The following CCDC178 variants were observed in gnomAD, a reference collection of about 807,000 sequenced individuals.
The protein encoded by CCDC178 is coiled-coil domain containing 178.
CCDC178 carries 126 observed loss-of-function variants against 117.4 expected under a neutral mutation model. The ratio of observed to expected loss-of-function variants is 1.07; its 90% confidence interval spans 0.93 to 1.24. CCDC178 has a LOEUF of 1.24. Among genes scored for constraint, CCDC178 ranks in the 50% most tolerant of loss-of-function variants. CCDC178 has a pLI of 0.00. For missense variants in CCDC178, 1,030 were observed against 986.9 expected (o/e 1.04, Z -0.59); for synonymous variants, 283 against 313.4 (o/e 0.90, Z 1.02).
chr18:33,173,129 A>G (rs1279905057), intron 20 of CCDC178, among the ~76,000 whole-genome samples: 1 of 152,144 alleles, frequency 6.6e-6, no homozygotes, highest in East Asian at 1.9e-4. Context: ...GGCTCACTGC[A>G]GCCTCTTCCT....
chr18:33,014,641 T>G (rs969941517), intron 21 of CCDC178, among the ~76,000 whole-genome samples: 2 of 151,772 alleles, frequency 1.3e-5, no homozygotes, highest in Non-Finnish European at 2.9e-5. Flanking sequence ...TTGTTTTATG[T>G]ATGTATAACA....
intron 9 of CCDC178, among the ~76,000 whole-genome samples, chr18:33,341,963 A>G (rs912621965): frequency 1.5e-4 from 23 of 152,212 alleles, no homozygotes; most frequent in African/African-American, 5.1e-4. Flanking sequence ...TAGAAAAATA[A>G]TGACTTCAAG....
At position 32,937,846 on chromosome 18, in the gene CCDC178, T is replaced by C. The variant is rs759279604; in HGVS notation, c.*165A>G. On this transcript the variant is annotated 3_prime_UTR_variant, in exon 23 of 23. Transcript: ENST00000383096. ...AAGTCACCTGTTTCATTGTTATGGA[T>C]TTGCTGTGAGTAAAAGAGTGGCAAA... The C allele has an allele frequency of 3.6e-5, 22 of 604,112 alleles. No individual in the cohort carries two copies. The highest frequency in any genetic ancestry group is 5.4e-5 in the Non-Finnish European group (18 of 334,584). The allele number at this position is 604,112 out of a possible 1,614,324, so 37.4% of individuals were successfully genotyped here.
intron 9 of CCDC178, among the ~76,000 whole-genome samples, chr18:33,340,843 G>T (rs1266038895): frequency 6.6e-6 from 1 of 152,158 alleles, no homozygotes; most frequent in African/African-American, 2.4e-5. Context: ...TTGCTGTAAG[G>T]GTGGGGCCCT....
chr18:33,352,340 G>T (rs2062989701), intron 7 of CCDC178, among the ~76,000 whole-genome samples: 1 of 151,992 alleles, frequency 6.6e-6, no homozygotes, highest in Non-Finnish European at 1.5e-5. Flanking sequence ...TTAGCTAAAG[G>T]TTTGTGAATT....
chr18:33,252,644 T>C (rs2059630487), intron 14 of CCDC178, among the ~76,000 whole-genome samples: 1 of 151,798 alleles, frequency 6.6e-6, no homozygotes, highest in African/African-American at 2.4e-5. Context: ...TCATTCTAGG[T>C]ATTCCAGGCT....
chr18:33,174,089 G>C (rs1487104913), intron 20 of CCDC178, among the ~76,000 whole-genome samples: 4 of 152,186 alleles, frequency 2.6e-5, no homozygotes, highest in African/African-American at 9.6e-5. Context: ...ATCTGCTTCT[G>C]AGGAGGCCTC....
At chr18:33,099,037 T>C (rs759794178) in intron 20 of CCDC178, among the ~76,000 whole-genome samples, 5 of 152,028 alleles carry the variant, frequency 3.3e-5, no homozygotes, top group Non-Finnish European at 7.4e-5. Context: ...AGTATATATC[T>C]GAGCAAATTT....
chr18:33,107,928 C>T (rs1337597190), intron 20 of CCDC178, among the ~76,000 whole-genome samples: 2 of 151,578 alleles, frequency 1.3e-5, no homozygotes, highest in Non-Finnish European at 3.0e-5. Flanking sequence ...CTTTTTGTAC[C>T]TCTGCATTTG....
chr18:33,312,027 C>T (rs2062350905), intron 11 of CCDC178, among the ~76,000 whole-genome samples: 2 of 152,200 alleles, frequency 1.3e-5, no homozygotes, highest in South Asian at 4.2e-4. Flanking sequence ...TTCTTGAGGG[C>T]CTGCCAAGCC....
chr18:33,320,090 T>G (rs1159777547), intron 11 of CCDC178, among the ~76,000 whole-genome samples: 1 of 152,120 alleles, frequency 6.6e-6, no homozygotes, highest in East Asian at 1.9e-4. Flanking sequence ...ATGGGACATA[T>G]CTCAAAATAA....
chr18:33,165,224 A>T (rs1367016113), intron 20 of CCDC178, among the ~76,000 whole-genome samples: 1 of 152,192 alleles, frequency 6.6e-6, no homozygotes, highest in Non-Finnish European at 1.5e-5. Context: ...TGCAGTGCAC[A>T]TGCCTGTAGT....
intron 6 of CCDC178, among the ~76,000 whole-genome samples, chr18:33,362,925 T>C (rs2063150486): frequency 6.9e-6 from 1 of 145,656 alleles, no homozygotes; most frequent in Non-Finnish European, 1.5e-5. Flanking sequence ...GAATTGCACC[T>C]CAACTTTTAA....
chr18:33,281,097 T>TATAATAATA (rs35235042), intron 12 of CCDC178, among the ~76,000 whole-genome samples: 4 of 145,646 alleles, frequency 2.7e-5, no homozygotes, highest in Non-Finnish European at 4.5e-5. Flanking sequence ...AAACTTAAAG[T>TATAATAATA]ATAATAATAA....
Position 33,323,558 on chromosome 18 carries a change from CCT to C in CCDC178, c.953_954del (p.Lys318SerfsTer5). Reference sequence around the variant, plus strand: ...TCAATCTCTTCTTTAATTTGCTGAGCCTTCAATCTGGCATTTTCACAGGCTTC... The same window carrying C: ...TCAATCTCTTCTTTAATTTGCTGAGCTCAATCTGGCATTTTCACAGGCTTC... Reference protein sequence around the residue: ...ALEACENARLKAQQIKEEIDK... With the variant: ...ALEACENARLXAQQIKEEIDK... On this transcript the variant is annotated frameshift_variant, in exon 11 of 23. Transcript: ENST00000383096. LOFTEE classifies it high-confidence loss of function. 6.3e-7 allele frequency: 1 copy of C among 1,575,382 alleles called. No individual in the cohort carries two copies. Among genetic ancestry groups the C allele is most frequent in the Non-Finnish European group, 8.6e-7 (1 of 1,159,758 alleles).
intron 9 of CCDC178, among the ~76,000 whole-genome samples, chr18:33,334,050 T>C (rs1471860002): frequency 6.6e-6 from 1 of 151,796 alleles, no homozygotes; most frequent in Non-Finnish European, 1.5e-5. Flanking sequence ...AATGATGAAA[T>C]AAGACTTACA....
At chr18:33,053,336 CTTA>C (rs1567958351) in intron 21 of CCDC178, among the ~76,000 whole-genome samples, 1 of 152,032 alleles carries the variant, frequency 6.6e-6, no homozygotes, top group Non-Finnish European at 1.5e-5. Flanking sequence ...TAAAGAAGAA[CTTA>C]TTATTTCATT....
intron 11 of CCDC178, among the ~76,000 whole-genome samples, chr18:33,304,888 C>T (rs2062227794): frequency 6.6e-6 from 1 of 152,142 alleles, no homozygotes; most frequent in Non-Finnish European, 1.5e-5. Context: ...AAGTTCATTT[C>T]CCATTTCCAG....
At chr18:33,404,579 C>A (rs1296949978) in intron 3 of CCDC178, among the ~76,000 whole-genome samples, 1 of 152,006 alleles carries the variant, frequency 6.6e-6, no homozygotes, top group East Asian at 1.9e-4. Context: ...ACTGAAATTA[C>A]AAAATGACCC....
Sources: gnomAD v4.1 joint callset for allele counts (sites outside exome capture counted in the v4.1 genomes callset) on GRCh38, gnomAD v4.1.1 for gene constraint, MANE v1.5 for transcripts, NCBI Gene and HGNC (gene_info 2026-07-23, HGNC 2026-07-21) for gene names.